TMTC1: variants seen among roughly 807,000 people sequenced by gnomAD.
TMTC1 encodes protein O-mannosyl-transferase TMTC1.
TMTC1 carries 73 observed loss-of-function variants against 104.8 expected under a neutral mutation model. The ratio of observed to expected loss-of-function variants is 0.70; its 90% CI spans 0.58 to 0.85. TMTC1 has a LOEUF of 0.85. Among genes scored for constraint, TMTC1 ranks in the 40% least tolerant of loss-of-function variants. TMTC1 has a pLI of 0.00. For missense variants in TMTC1, 1,035 were observed against 1,096.1 expected, an observed-to-expected ratio of 0.94 and a Z score of 0.79; for synonymous variants, 434 against 428.7, an observed-to-expected ratio of 1.01 and a Z score of -0.15.
intron 10 of TMTC1, among the ~76,000 whole-genome samples, chr12:29,536,716 A>T (rs57121177): frequency 0.033 from 4,988 of 152,224 alleles, 257 homozygotes; most frequent in African/African-American, 0.11. Flanking sequence ...TCCCTGTAGT[A>T]CTGGTCACAC....
At chr12:29,701,330 C>T (rs1465415605) in intron 5 of TMTC1, among the ~76,000 whole-genome samples, 2 of 152,144 alleles carry the variant, frequency 1.3e-5, no homozygotes, top group Admixed American at 6.5e-5. Flanking sequence ...TTGCCTTAGG[C>T]TACACTCACG....
intron 5 of TMTC1, among the ~76,000 whole-genome samples, chr12:29,696,773 T>C (rs1239350185): frequency 1.3e-5 from 2 of 152,108 alleles, no homozygotes; most frequent in African/African-American, 2.4e-5. Context: ...AAACCTAATA[T>C]ATGGAGAAGG....
intron 5 of TMTC1, among the ~76,000 whole-genome samples, chr12:29,724,001 G>T (rs1942311558): frequency 6.6e-6 from 1 of 152,150 alleles, no homozygotes; most frequent in Non-Finnish European, 1.5e-5. Flanking sequence ...ATGACCTCAA[G>T]ATAGAGAAGA....
At chr12:29,687,641 G>A (rs1406304066) in intron 5 of TMTC1, among the ~76,000 whole-genome samples, 1 of 152,202 alleles carries the variant, frequency 6.6e-6, no homozygotes, top group Non-Finnish European at 1.5e-5. Context: ...ATGTCCTTGT[G>A]TACTAATTAG....
intron 11 of TMTC1, chr12:29,533,618 A>C (rs1012022054): frequency 1.3e-5 from 2 of 152,220 alleles, no homozygotes; most frequent in African/African-American, 4.8e-5. Flanking sequence ...GTCAACCTGG[A>C]AAGAAGGTTC....
intron 1 of TMTC1, among the ~76,000 whole-genome samples, chr12:29,772,766 A>T (rs979541153): frequency 5.9e-5 from 9 of 152,332 alleles, no homozygotes; most frequent in African/African-American, 2.2e-4. Flanking sequence ...AGAACATCTC[A>T]GGTTCTATAT....
At chr12:29,745,757 G>A (rs1307510662) in intron 5 of TMTC1, among the ~76,000 whole-genome samples, 1 of 151,750 alleles carries the variant, frequency 6.6e-6, no homozygotes, top group Non-Finnish European at 1.5e-5. Context: ...TTATAAAGTT[G>A]TTTAACAATA....
At chr12:29,741,861 T>C (rs894630904) in intron 5 of TMTC1, among the ~76,000 whole-genome samples, 6 of 152,246 alleles carry the variant, frequency 3.9e-5, no homozygotes, top group Non-Finnish European at 8.8e-5. Flanking sequence ...TTTACCTTTA[T>C]AACCTTGGCA....
chr12:29,549,624 G>T (rs1463170661), intron 10 of TMTC1, among the ~76,000 whole-genome samples: 1 of 152,098 alleles, frequency 6.6e-6, no homozygotes, highest in African/African-American at 2.4e-5. Context: ...TCTTCTATGG[G>T]AGAGCAAAGC....
At chr12:29,628,353 C>G (rs552059012) in intron 6 of TMTC1, among the ~76,000 whole-genome samples, 1 of 152,034 alleles carries the variant, frequency 6.6e-6, no homozygotes, top group Non-Finnish European at 1.5e-5. Context: ...GTGAAAGAAG[C>G]CAGACATACA....
At position 29,538,001 on chromosome 12, in the gene TMTC1, G is replaced by A. The variant is rs57110918; in HGVS notation, c.1677-1684C>T. ...TCAAGCACTTAGCTGTTTCTCAGGAGAGGTGGTGGTCTGCACTATCCTCTT... is the reference window on the plus strand; with the variant it reads ...TCAAGCACTTAGCTGTTTCTCAGGAAAGGTGGTGGTCTGCACTATCCTCTT... On this transcript the variant is annotated intron_variant, in intron 10 of 17. Transcript: ENST00000539277. 1.4e-3 allele frequency among the ~76,000 whole-genome samples: 207 copies of A among 152,302 alleles called. 1 individual carries two copies. Among genetic ancestry groups the A allele is most frequent in the African/African-American group, 4.7e-3 (194 of 41,558 alleles).
At chr12:29,639,881 G>C (rs1379396839) in intron 5 of TMTC1, among the ~76,000 whole-genome samples, 2 of 152,164 alleles carry the variant, frequency 1.3e-5, no homozygotes, top group Non-Finnish European at 1.5e-5. Flanking sequence ...AGGAAATCAA[G>C]AAAAACCATC....
chr12:29,516,288 T>C lies in TMTC1; in HGVS notation c.2307+61A>G, dbSNP rs1943983535. 10 of 1,549,740 alleles carry C rather than the reference T, an allele frequency of 6.5e-6. No homozygotes were observed. In the Admixed American group the frequency reaches 1.7e-4, roughly 26 times the overall value. ...ATAAACACGCAAACTGGAGAATCAC[T>C]TAGGTGCACCCCATGTTTAACCTAT... On this transcript the variant is annotated intron_variant, in intron 15 of 17. Transcript: ENST00000539277.
rs1005003567 is a variant in TMTC1, at chr12:29,568,770, C to T, written c.1532+3335G>A. On this transcript the variant is annotated intron_variant, in intron 9 of 17. Coordinates refer to ENST00000539277, the MANE Select transcript of TMTC1 (RefSeq NM_001193451.2). ...TCAGGGAGAATCACTATTTCTCTTT[C>T]GGGGCTTATTAGCTGAGGCATTTCT... 47 of 370,440 alleles carry T rather than the reference C, an allele frequency of 1.3e-4. 1 individual carries two copies. Among genetic ancestry groups the T allele is most frequent in the Middle Eastern group, 9.0e-4 (1 of 1,112 alleles). The allele number at this position is 370,440 out of a possible 1,614,324, so 22.9% of individuals were successfully genotyped here.
At chr12:29,635,788 CA>C (rs1259596666) in intron 5 of TMTC1, among the ~76,000 whole-genome samples, 2 of 152,166 alleles carry the variant, frequency 1.3e-5, no homozygotes, top group African/African-American at 4.8e-5. Context: ...ATGCAGTGTG[CA>C]AAATCCAGAC....
intron 5 of TMTC1, among the ~76,000 whole-genome samples, chr12:29,717,110 A>G (rs1039339073): frequency 6.6e-6 from 1 of 152,232 alleles, no homozygotes; most frequent in Non-Finnish European, 1.5e-5. Flanking sequence ...TAGATAAATC[A>G]CTTTTAGTAT....
At chr12:29,557,670 G>A (rs1402172552) in intron 9 of TMTC1, among the ~76,000 whole-genome samples, 6 of 151,984 alleles carry the variant, frequency 3.9e-5, no homozygotes, top group African/African-American at 1.2e-4. Flanking sequence ...GGCCGGTCTC[G>A]AACCCCTGAC....
chr12:29,732,183 A>C (rs994234098), intron 5 of TMTC1, among the ~76,000 whole-genome samples: 3 of 152,218 alleles, frequency 2.0e-5, no homozygotes, highest in Non-Finnish European at 4.4e-5. Context: ...GTAAAGCAAT[A>C]CTAAATTCAC....
chr12:29,670,589 C>G (rs1940465946), intron 5 of TMTC1, among the ~76,000 whole-genome samples: 1 of 152,140 alleles, frequency 6.6e-6, no homozygotes, highest in Admixed American at 6.5e-5. Context: ...AATTCAAATA[C>G]TATTCTCACA....
Sources: gnomAD v4.1 joint callset for allele counts (sites outside exome capture counted in the v4.1 genomes callset) on GRCh38, gnomAD v4.1.1 for gene constraint, MANE v1.5 for transcripts, NCBI Gene and HGNC (gene_info 2026-07-23, HGNC 2026-07-21) for gene names.